The following SLC2A12 variants were observed in gnomAD, a reference collection of about 807,000 sequenced individuals.
The protein encoded by SLC2A12 is solute carrier family 2, facilitated glucose transporter member 12.
A neutral mutation model predicts 41.8 loss-of-function variants in SLC2A12; 23 were observed. That is an observed-to-expected ratio of 0.55 (90% CI 0.40 to 0.78). The LOEUF (loss-of-function observed/expected upper bound fraction) is 0.78. SLC2A12 is among the 30% of genes least tolerant of loss of function. SLC2A12 has a pLI of 0.00. For missense variants in SLC2A12, 654 were observed against 745.6 expected (o/e 0.88, Z 1.43); for synonymous variants, 295 against 285.9 (o/e 1.03, Z -0.32).
At chr6:134,007,080 A>AC in intron 2 of SLC2A12, 146 bp from the exon 3 acceptor site, 1 of 1,145,156 alleles carries the variant, frequency 8.7e-7, no homozygotes, top group Non-Finnish European at 1.2e-6. Flanking sequence ...GCAGAACAGG[A>AC]CAGTAAAGGG....
chr6:133,997,796 T>C (rs1156573899), intron 4 of SLC2A12, among the ~76,000 whole-genome samples: 2 of 152,180 alleles, frequency 1.3e-5, no homozygotes, highest in Non-Finnish European at 2.9e-5. Flanking sequence ...CCTCTGATTC[T>C]AAAATAAATG....
At chr6:134,022,888 T>C (rs1167286124) in intron 2 of SLC2A12, among the ~76,000 whole-genome samples, 1 of 152,216 alleles carries the variant, frequency 6.6e-6, no homozygotes, top group African/African-American at 2.4e-5. Flanking sequence ...AGGAAATCCC[T>C]CAAGACGGCA....
intron 1 of SLC2A12, among the ~76,000 whole-genome samples, chr6:134,032,374 C>T (rs1382011062): frequency 1.4e-5 from 2 of 143,324 alleles, no homozygotes; most frequent in Non-Finnish European, 3.0e-5. Flanking sequence ...GGCACTGTTA[C>T]ATGGCAGGCA....
chr6:134,018,706 T>C (rs577078283), intron 2 of SLC2A12, among the ~76,000 whole-genome samples: 1 of 152,314 alleles, frequency 6.6e-6, no homozygotes, highest in Non-Finnish European at 1.5e-5. Flanking sequence ...TACCTCCACC[T>C]AAATTTTAAC....
chr6:134,026,008 A>G (rs769867389), intron 2 of SLC2A12, among the ~76,000 whole-genome samples: 5 of 152,150 alleles, frequency 3.3e-5, no homozygotes, highest in African/African-American at 4.8e-5. Flanking sequence ...AATTGAAAGG[A>G]CTCTAACCAT....
At position 133,987,818 on chromosome 6, in the gene SLC2A12, A is replaced by G. The variant is rs1756733039; in HGVS notation, c.*3337T>C. The G allele has an allele frequency of 1.3e-5, 2 of 152,554 alleles. No homozygotes were observed. The allele number at this position is 152,554 out of a possible 1,614,324, so 9.5% of individuals were successfully genotyped here. A position where few individuals can be genotyped will look rare whatever the true frequency, so the allele number is the denominator to read the frequency against. On this transcript the variant is annotated 3_prime_UTR_variant, in exon 5 of 5. Transcript: ENST00000275230. ...ATAAAGGATAATGTTTTATGTTGCT[A>G]ATTTAATATGATAGAAAATGTTAAA... is the stretch of plus-strand genomic sequence containing the variant.
At chr6:134,026,915 A>G (rs1404555578) in intron 2 of SLC2A12, among the ~76,000 whole-genome samples, 1 of 152,222 alleles carries the variant, frequency 6.6e-6, no homozygotes, top group Non-Finnish European at 1.5e-5. Flanking sequence ...TGGAATTTGA[A>G]CAAATCAATA....
intron 3 of SLC2A12, among the ~76,000 whole-genome samples, chr6:134,003,058 C>T (rs534505310): frequency 4.6e-5 from 7 of 152,308 alleles, no homozygotes; most frequent in Non-Finnish European, 1.0e-4. Context: ...TACAAATAGC[C>T]TTTAACAGCT....
In SLC2A12 at chr6:133,991,054, T is replaced by C; in HGVS notation, c.*101A>G. 8 of 1,356,042 alleles carry C rather than the reference T, an allele frequency of 5.9e-6. No homozygotes were observed. Among genetic ancestry groups the C allele is most frequent in the Non-Finnish European group, 7.0e-6 (7 of 1,003,028 alleles). 84.0% of individuals were successfully genotyped at this position (1,356,042 alleles called of 1,614,324 possible). ...GAGTGTCTCTTCAAAACCAGTTCCATGACACTGAAAAGAGAGCACAGGAGT... is the reference window on the plus strand; with the variant it reads ...GAGTGTCTCTTCAAAACCAGTTCCACGACACTGAAAAGAGAGCACAGGAGT... On this transcript the variant is annotated 3_prime_UTR_variant, in exon 5 of 5. Transcript: ENST00000275230.
At chr6:134,047,657 C>T (rs1479714732) in intron 1 of SLC2A12, among the ~76,000 whole-genome samples, 2 of 152,182 alleles carry the variant, frequency 1.3e-5, no homozygotes, top group Non-Finnish European at 2.9e-5. Flanking sequence ...ATATTCAGGT[C>T]CTATCAGCTA....
At position 134,017,649 on chromosome 6, in the gene SLC2A12, G is replaced by A. The variant is rs754077607; in HGVS notation, c.1445-10715C>T. Among the ~76,000 whole-genome samples the A allele has an allele frequency of 2.0e-5, 3 of 151,968 alleles. No individual in the cohort carries two copies. The South Asian group carries it at 6.2e-4, about 32-fold the overall frequency. On this transcript the variant is annotated intron_variant, in intron 2 of 4. Transcript: ENST00000275230. The stretch of plus-strand genomic sequence containing the variant: ...GGGCGGATCACAAGGTCAGGAGATC[G>A]AGACCACCTTGGCGAACACGATGAA...
At chr6:134,036,310 G>T (rs188011817) in intron 1 of SLC2A12, among the ~76,000 whole-genome samples, 32 of 152,168 alleles carry the variant, frequency 2.1e-4, no homozygotes, top group African/African-American at 7.7e-4. Context: ...TGGCCTTGCA[G>T]CTATGGCCTG....
chr6:134,051,307 C>T (rs1158801520), intron 1 of SLC2A12, among the ~76,000 whole-genome samples: 2 of 152,048 alleles, frequency 1.3e-5, no homozygotes, highest in East Asian at 1.9e-4. Context: ...TGAAGAGGGC[C>T]GCTTCATGCC....
chr6:134,018,161 TGAA>T (rs1776989353), intron 2 of SLC2A12, among the ~76,000 whole-genome samples: 2 of 152,298 alleles, frequency 1.3e-5, no homozygotes, highest in Admixed American at 1.3e-4. Flanking sequence ...AAATGCCTGT[TGAA>T]GTCAGTGCTG....
intron 2 of SLC2A12, among the ~76,000 whole-genome samples, chr6:134,011,949 G>A (rs1480121050): frequency 6.6e-6 from 1 of 152,032 alleles, no homozygotes; most frequent in Non-Finnish European, 1.5e-5. Flanking sequence ...AGCTAAGGCA[G>A]GAGAATCGCT....
chr6:134,001,950 T>C, intron 4 of SLC2A12, 47 bp downstream of exon 4: 2 of 1,583,274 alleles, frequency 1.3e-6, no homozygotes. Flanking sequence ...AAAGCTGCAC[T>C]TTTGACCAAA....
chr6:134,011,192 A>AGC (rs1284636589), intron 2 of SLC2A12, among the ~76,000 whole-genome samples: 2 of 152,188 alleles, frequency 1.3e-5, no homozygotes, highest in Non-Finnish European at 2.9e-5. Flanking sequence ...TGCCTTTGTA[A>AGC]GCGGCACACC....
At chr6:134,009,853 A>G (rs904534403) in intron 2 of SLC2A12, among the ~76,000 whole-genome samples, 2 of 152,108 alleles carry the variant, frequency 1.3e-5, no homozygotes, top group East Asian at 3.9e-4. Flanking sequence ...CCTCACCCCA[A>G]TAAAGAGAGA....
chr6:134,010,245 C>A (rs1023892432), intron 2 of SLC2A12, among the ~76,000 whole-genome samples: 1 of 152,142 alleles, frequency 6.6e-6, no homozygotes, highest in Middle Eastern at 3.2e-3. Context: ...AATTTCTCCC[C>A]AAGGAAAATT....
Sources: gnomAD v4.1 joint callset for allele counts (sites outside exome capture counted in the v4.1 genomes callset) on GRCh38, gnomAD v4.1.1 for gene constraint, MANE v1.5 for transcripts, NCBI Gene and HGNC (gene_info 2026-07-23, HGNC 2026-07-21) for gene names.